OSBP2: variants seen among roughly 807,000 people sequenced by gnomAD.
OSBP2 encodes oxysterol binding protein 2.
OSBP2 carries 66 observed loss-of-function variants against 96.0 expected under a neutral mutation model. The ratio of observed to expected loss-of-function variants is 0.69; its 90% CI spans 0.56 to 0.84. The LOEUF (loss-of-function observed/expected upper bound fraction) is 0.84. Among genes scored for constraint, OSBP2 ranks in the 40% least tolerant of loss-of-function variants. The probability of loss-of-function intolerance (pLI) is 0.00; values close to 1 mark genes in which losing one functional copy is unlikely to be tolerated. For missense variants in OSBP2, 1,038 were observed against 1,222.7 expected (o/e 0.85, Z 2.25); for synonymous variants, 525 against 520.9 (o/e 1.01, Z -0.11).
chr22:30,780,487 C>G (rs1384997469), intron 2 of OSBP2, among the ~76,000 whole-genome samples: 1 of 152,146 alleles, frequency 6.6e-6, no homozygotes, highest in Admixed American at 6.6e-5. Context: ...CTTCACTAAA[C>G]TGTTTTTTGT....
At chr22:30,867,873 A>G (rs374613674) in intron 2 of OSBP2, among the ~76,000 whole-genome samples, 18 of 152,346 alleles carry the variant, frequency 1.2e-4, no homozygotes, top group South Asian at 8.3e-4. Flanking sequence ...TGCATTGGGC[A>G]TACCCCCTCA....
intron 2 of OSBP2, among the ~76,000 whole-genome samples, chr22:30,785,358 C>T (rs749167554): frequency 2.6e-5 from 4 of 151,834 alleles, no homozygotes; most frequent in Admixed American, 1.3e-4. Context: ...CACCTGAGGT[C>T]GGCAGTTTGA....
At chr22:30,757,024 G>A (rs1296177197) in intron 2 of OSBP2, among the ~76,000 whole-genome samples, 2 of 149,990 alleles carry the variant, frequency 1.3e-5, no homozygotes, top group African/African-American at 5.1e-5. Flanking sequence ...TCAAACGCAG[G>A]GTATCTGCTG....
rs201558484 is a variant in OSBP2, at chr22:30,834,855, GC to G, written c.854-35571del. 6.7e-3 allele frequency among the ~76,000 whole-genome samples: 992 copies of G among 148,866 alleles called. 11 individuals are homozygous for G. The highest frequency in any genetic ancestry group is 0.021 in the East Asian group (109 of 5,082). On this transcript the variant is annotated intron_variant, in intron 2 of 13. Transcript: ENST00000332585. ...TTTTGAGATGGAGTCTCGCTTGGTC[GC>G]CCAGGCTGGAGTGCAGTGGCGTGAT...
chr22:30,791,303 A>G (rs555811184), intron 2 of OSBP2, among the ~76,000 whole-genome samples: 1 of 118,000 alleles, frequency 8.5e-6, no homozygotes, highest in South Asian at 2.9e-4. Flanking sequence ...GCAGGAGCTT[A>G]TATATTGGGG....
chr22:30,825,518 G>C (rs1217740586), intron 2 of OSBP2, among the ~76,000 whole-genome samples: 1 of 152,186 alleles, frequency 6.6e-6, no homozygotes, highest in Non-Finnish European at 1.5e-5. Flanking sequence ...AACAGAGACT[G>C]GTGGGCAACA....
chr22:30,742,354 C>T (rs2089950521), intron 2 of OSBP2, among the ~76,000 whole-genome samples: 1 of 151,658 alleles, frequency 6.6e-6, no homozygotes, highest in South Asian at 2.1e-4. Flanking sequence ...ATCACTTGAA[C>T]CCAGGAGGCG....
intron 3 of OSBP2, among the ~76,000 whole-genome samples, chr22:30,880,910 C>T (rs1255977430): frequency 6.6e-6 from 1 of 152,190 alleles, no homozygotes; most frequent in Non-Finnish European, 1.5e-5. Flanking sequence ...ACTTGGTTTC[C>T]CCTGGGTGGG....
At chr22:30,755,526 C>T (rs2090129899) in intron 2 of OSBP2, among the ~76,000 whole-genome samples, 1 of 152,168 alleles carries the variant, frequency 6.6e-6, no homozygotes, top group African/African-American at 2.4e-5. Context: ...GTTGTTTAAG[C>T]AGCTTCCGAA....
chr22:30,701,972 A>G (rs912915343), intron 1 of OSBP2, among the ~76,000 whole-genome samples: 3 of 152,186 alleles, frequency 2.0e-5, no homozygotes, highest in African/African-American at 7.2e-5. Context: ...GGAGGAGCAC[A>G]GTGCACACCA....
intron 12 of OSBP2, chr22:30,902,188 C>A: frequency 1.1e-6 from 1 of 912,900 alleles, no homozygotes; most frequent in Non-Finnish European, 1.6e-6. Context: ...GGCCATGGTT[C>A]CCGTAGCCAG....
intron 1 of OSBP2, among the ~76,000 whole-genome samples, chr22:30,733,186 A>G (rs2089804921): frequency 1.3e-5 from 2 of 152,188 alleles, no homozygotes; most frequent in Non-Finnish European, 2.9e-5. Flanking sequence ...TACTGCTGGT[A>G]GATCGGGCAC....
intron 2 of OSBP2, among the ~76,000 whole-genome samples, chr22:30,866,543 C>A (rs189497879): frequency 6.6e-6 from 1 of 152,308 alleles, no homozygotes; most frequent in East Asian, 1.9e-4. Flanking sequence ...TCAAGACCAG[C>A]CTGGCCAACA....
rs372386376 is a variant in OSBP2 at position 30,870,711 on chromosome 22, C to T, written c.1107+29C>T. 128 of 1,602,332 alleles carry T rather than the reference C, an allele frequency of 8.0e-5. No homozygotes were observed. In the African/African-American group the frequency reaches 9.2e-4, roughly 12 times the overall value. On this transcript the variant is annotated intron_variant, in intron 3 of 13. Coordinates refer to ENST00000332585, the MANE Select transcript of OSBP2 (RefSeq NM_030758.4). The surrounding 1 kb of genome is among the most constrained non-coding windows in gnomAD (Gnocchi z 4.1). ...AGTACCCACCCCCACCGCCCTGGCA[C>T]GGGGCTCCCTGGCTCCAGCCCCGGG...
chr22:30,795,969 A>G (rs994467861), intron 2 of OSBP2, among the ~76,000 whole-genome samples: 1 of 152,020 alleles, frequency 6.6e-6, no homozygotes, highest in Non-Finnish European at 1.5e-5. Context: ...AACCATAATT[A>G]TTTTCAAGTT....
intron 2 of OSBP2, among the ~76,000 whole-genome samples, chr22:30,862,238 G>A (rs1013199478): frequency 6.6e-6 from 1 of 152,218 alleles, no homozygotes; most frequent in Non-Finnish European, 1.5e-5. Context: ...TCCGCTCCCC[G>A]CCTGCCCCCT....
At chr22:30,730,800 ATATATATAATTTTT>A (rs1569100647) in intron 1 of OSBP2, among the ~76,000 whole-genome samples, 4 of 49,856 alleles carry the variant, frequency 8.0e-5, no homozygotes, top group African/African-American at 4.3e-4. Context: ...ATATATATAT[ATATATATAATTTTT>A]TTTTTTTTTC....
At chr22:30,793,893 A>G (rs1259065624) in intron 2 of OSBP2, among the ~76,000 whole-genome samples, 1 of 152,186 alleles carries the variant, frequency 6.6e-6, no homozygotes, top group Non-Finnish European at 1.5e-5. Flanking sequence ...CATTATTCAC[A>G]GTAGCCCAAA....
At chr22:30,708,793 A>G (rs1440885217) in intron 1 of OSBP2, among the ~76,000 whole-genome samples, 1 of 151,024 alleles carries the variant, frequency 6.6e-6, no homozygotes. Flanking sequence ...CCGGCCAAGG[A>G]TAAGGATTTT....
Sources: allele counts gnomAD v4.1 joint callset (sites outside exome capture counted in the v4.1 genomes callset), GRCh38; gene constraint gnomAD v4.1.1; non-coding constraint Gnocchi (gnomAD v3.1); transcripts MANE v1.5; gene names NCBI Gene and HGNC (gene_info 2026-07-23, HGNC 2026-07-21).